The following AP3S1 variants were observed in gnomAD, a reference collection of about 807,000 sequenced individuals.
The protein encoded by AP3S1 is AP-3 complex subunit sigma-1.
In AP3S1, 12 loss-of-function variants were observed where a neutral mutation model predicts 21.3. The observed-to-expected ratio is 0.56, with a 90% CI of 0.36 to 0.91. AP3S1 has a LOEUF of 0.91. Ranked by LOEUF, AP3S1 falls within the 40% of genes least tolerant of loss-of-function variation. AP3S1 has a pLI of 0.01. For missense variants in AP3S1, 116 were observed against 225.0 expected, an observed-to-expected ratio of 0.52 and a Z score of 3.10; for synonymous variants, 48 against 78.4, an observed-to-expected ratio of 0.61 and a Z score of 2.05.
intron 3 of AP3S1, among the ~76,000 whole-genome samples, chr5:115,890,209 T>C (rs1750169165): frequency 6.6e-6 from 1 of 152,218 alleles, no homozygotes; most frequent in African/African-American, 2.4e-5. Context: ...GTAAGAAATG[T>C]TCTTAACAGT....
At chr5:115,900,766 T>C (rs1296768243) in intron 4 of AP3S1, among the ~76,000 whole-genome samples, 1 of 152,182 alleles carries the variant, frequency 6.6e-6, no homozygotes, top group East Asian at 1.9e-4. Flanking sequence ...TGGGGTGACA[T>C]GACTCCTGGT....
intron 3 of AP3S1, among the ~76,000 whole-genome samples, chr5:115,873,301 A>G (rs528919618): frequency 4.5e-4 from 68 of 152,270 alleles, no homozygotes; most frequent in African/African-American, 1.6e-3. Context: ...AGTAGAAACT[A>G]TCTTTTGTGT....
At chr5:115,843,784 A>G (rs951239218) in intron 1 of AP3S1, among the ~76,000 whole-genome samples, 1 of 152,234 alleles carries the variant, frequency 6.6e-6, no homozygotes, top group Admixed American at 6.5e-5. Context: ...TAATTTAACT[A>G]TCTATTGAAA....
chr5:115,905,229 A>G (rs879196752), intron 5 of AP3S1, among the ~76,000 whole-genome samples: 1 of 152,246 alleles, frequency 6.6e-6, no homozygotes, highest in Non-Finnish European at 1.5e-5. Context: ...ATTGTTGAAT[A>G]AAACTTCGTT....
At chr5:115,868,699 TG>T (rs1165671634) in intron 2 of AP3S1, among the ~76,000 whole-genome samples, 1 of 151,798 alleles carries the variant, frequency 6.6e-6, no homozygotes, top group African/African-American at 2.4e-5. Flanking sequence ...CTGGGCAACA[TG>T]GTGAAACCCC....
intron 5 of AP3S1, chr5:115,906,763 C>G (rs1232106076): frequency 2.3e-6 from 3 of 1,315,504 alleles, no homozygotes; most frequent in East Asian, 5.2e-5. Context: ...AAAGTCAGTC[C>G]TCTTTTTTTT....
chr5:115,880,076 G>A (rs988962716), intron 3 of AP3S1, among the ~76,000 whole-genome samples: 6 of 151,962 alleles, frequency 3.9e-5, no homozygotes, highest in Admixed American at 2.0e-4. Context: ...TTTTTATTGT[G>A]TCTATTTGAT....
At chr5:115,895,869 G>A (rs1298793953) in intron 4 of AP3S1, among the ~76,000 whole-genome samples, 1 of 152,190 alleles carries the variant, frequency 6.6e-6, no homozygotes, top group Non-Finnish European at 1.5e-5. Flanking sequence ...TTGGAAGAAG[G>A]TAGAATTGAT....
At chr5:115,879,343 A>G (rs1276559421) in intron 3 of AP3S1, among the ~76,000 whole-genome samples, 1 of 152,230 alleles carries the variant, frequency 6.6e-6, no homozygotes, top group Non-Finnish European at 1.5e-5. Context: ...TTTGTCATAA[A>G]TAGCTCTTAT....
At chr5:115,847,571 A>G (rs972203052) in intron 1 of AP3S1, among the ~76,000 whole-genome samples, 2 of 152,248 alleles carry the variant, frequency 1.3e-5, no homozygotes, top group Non-Finnish European at 2.9e-5. Context: ...ATGAGCTGAG[A>G]TTGCGCCATT....
intron 5 of AP3S1, among the ~76,000 whole-genome samples, chr5:115,905,623 T>C (rs1295250977): frequency 1.3e-5 from 2 of 152,214 alleles, no homozygotes; most frequent in African/African-American, 4.8e-5. Flanking sequence ...CTGAAAATTA[T>C]GATGACTAAT....
At chr5:115,847,057 T>G (rs897809729) in intron 1 of AP3S1, among the ~76,000 whole-genome samples, 1 of 152,190 alleles carries the variant, frequency 6.6e-6, no homozygotes, top group Non-Finnish European at 1.5e-5. Flanking sequence ...CCAAAGGCTG[T>G]TTTTCTCCTT....
At position 115,911,794 on chromosome 5, in the gene AP3S1, G is replaced by A. The variant is rs187604328; in HGVS notation, c.454-1568G>A. On this transcript the variant is annotated intron_variant, in intron 5 of 5. Coordinates refer to ENST00000316788, the MANE Select transcript of AP3S1 (RefSeq NM_001284.4). ...CCAACATCTTTGGGGGAGCAGGAAG[G>A]AAGGGGGGGTAACAAAAACTTCATT... is the stretch of plus-strand genomic sequence containing the variant. Among the ~76,000 whole-genome samples, 59 of 151,756 alleles carry A rather than the reference G, an allele frequency of 3.9e-4. 1 individual carries two copies. The highest frequency in any genetic ancestry group is 2.0e-3 in the Admixed American group (31 of 15,248).
intron 3 of AP3S1, among the ~76,000 whole-genome samples, chr5:115,882,237 C>G (rs1749362100): frequency 6.6e-6 from 1 of 152,036 alleles, no homozygotes; most frequent in African/African-American, 2.4e-5. Flanking sequence ...CAGTTTTGTT[C>G]CCTTGCTTTT....
At chr5:115,878,276 A>G (rs1389385735) in intron 3 of AP3S1, among the ~76,000 whole-genome samples, 2 of 152,168 alleles carry the variant, frequency 1.3e-5, no homozygotes, top group Admixed American at 6.5e-5. Flanking sequence ...GTCTTTGCCC[A>G]TGCCTATGTC....
intron 3 of AP3S1, among the ~76,000 whole-genome samples, chr5:115,872,061 C>G (rs1046503634): frequency 6.6e-5 from 10 of 152,122 alleles, no homozygotes; most frequent in African/African-American, 2.4e-4. Context: ...CACCTGTAAT[C>G]CTAGCACTTT....
chr5:115,887,459 T>G (rs1392114743), intron 3 of AP3S1, among the ~76,000 whole-genome samples: 1 of 152,082 alleles, frequency 6.6e-6, no homozygotes, highest in Non-Finnish European at 1.5e-5. Flanking sequence ...ACCAATTTTT[T>G]TTTTTACTTA....
intron 1 of AP3S1, among the ~76,000 whole-genome samples, chr5:115,865,756 C>G (rs1763561541): frequency 6.6e-6 from 1 of 152,004 alleles, no homozygotes; most frequent in South Asian, 2.1e-4. Flanking sequence ...AATTGGTGTT[C>G]ATGATTTTGG....
chr5:115,853,659 A>C (rs778962079), intron 1 of AP3S1, among the ~76,000 whole-genome samples: 1 of 152,120 alleles, frequency 6.6e-6, no homozygotes, highest in Non-Finnish European at 1.5e-5. Context: ...GTGGGGATCC[A>C]GTTTTATTCT....
Sources: gnomAD v4.1 joint callset for allele counts (sites outside exome capture counted in the v4.1 genomes callset) on GRCh38, gnomAD v4.1.1 for gene constraint, MANE v1.5 for transcripts, NCBI Gene and HGNC (gene_info 2026-07-23, HGNC 2026-07-21) for gene names.